NUP155: variants seen among roughly 807,000 people sequenced by gnomAD.
NUP155 encodes nuclear pore complex protein Nup155.
NUP155 carries 71 observed loss-of-function variants against 180.4 expected under a neutral mutation model. The ratio of observed to expected loss-of-function variants is 0.39; its 90% CI spans 0.33 to 0.48. NUP155 has a LOEUF of 0.48. NUP155 is among the 20% of genes least tolerant of loss of function. NUP155 has a pLI of 0.91. For synonymous variants in NUP155, 582 were observed against 559.5 expected (o/e 1.04, Z -0.57); for missense variants, 1,553 against 1,648.9 (o/e 0.94, Z 1.01).
Position 37,329,232 on chromosome 5 carries a change from G to A in NUP155, c.1771C>T (p.Pro591Ser), listed in dbSNP as rs766937826. 3.1e-6 allele frequency: 5 copies of A among 1,613,956 alleles called. No individual in the cohort carries two copies. The highest frequency in any genetic ancestry group is 4.2e-6 in the Non-Finnish European group (5 of 1,179,910). ...CCCAAGATGGGACCAACATTACTTG[G>A]AGGCGGAAGAGTGGTTGGAAATCTC... ...QMRFPTTLPPPSNVGPILGSP... is the reference protein window; with the variant it reads ...QMRFPTTLPPSSNVGPILGSP... Residue 591 changes from proline (P) to serine (S), a missense_variant, in exon 16 of 35, where the codon CCA becomes TCA. Coordinates refer to ENST00000231498, the MANE Select transcript of NUP155 (RefSeq NM_153485.3).
At chr5:37,323,781 T>C (rs1744404225) in intron 20 of NUP155, among the ~76,000 whole-genome samples, 1 of 151,802 alleles carries the variant, frequency 6.6e-6, no homozygotes. Context: ...CCATGAATAA[T>C]AATGGCTGGT....
At chr5:37,312,041 A>C (rs1273368062) in intron 22 of NUP155, among the ~76,000 whole-genome samples, 1 of 152,138 alleles carries the variant, frequency 6.6e-6, no homozygotes. Flanking sequence ...AAAAACAAAC[A>C]AACAAATAAA....
chr5:37,345,795 T>C (rs1262681885), intron 9 of NUP155, among the ~76,000 whole-genome samples: 2 of 151,172 alleles, frequency 1.3e-5, no homozygotes, highest in East Asian at 2.0e-4. Context: ...TCCCAGCTGC[T>C]TGGGAGGGTG....
At chr5:37,330,196 CTAGATGCAGTATTAAAGTCTGT>C in intron 14 of NUP155, 64 bp from the exon 15 acceptor site, 1 of 1,109,432 alleles carries the variant, frequency 9.0e-7, no homozygotes, top group Non-Finnish European at 1.3e-6. Context: ...TTGTGTACTG[CTAGATGCAGTATTAAAGTCTGT>C]ATCTAGCACA....
intron 12 of NUP155, among the ~76,000 whole-genome samples, chr5:37,337,546 CA>C (rs1320483756): frequency 6.6e-6 from 1 of 151,872 alleles, no homozygotes; most frequent in South Asian, 2.1e-4. Context: ...AAGACAACTT[CA>C]AAAAAGATGT....
intron 9 of NUP155, among the ~76,000 whole-genome samples, chr5:37,346,283 A>T (rs1416798291): frequency 2.0e-5 from 3 of 152,170 alleles, no homozygotes; most frequent in Non-Finnish European, 4.4e-5. Flanking sequence ...GTCTGAAAAA[A>T]AAAACAAAAA....
intron 13 of NUP155, among the ~76,000 whole-genome samples, chr5:37,332,171 A>C (rs1745010594): frequency 8.5e-6 from 1 of 117,888 alleles, no homozygotes; most frequent in African/African-American, 7.8e-5. Context: ...ATTTAGGCAA[A>C]AAAAAAAAAA....
rs1744421495 is a variant in NUP155, at chr5:37,324,021, C to G, written c.2178G>C (p.Gln726His). Residue 726 changes from glutamine (Q) to histidine (H), a missense_variant, in exon 20 of 35, where the codon CAG (glutamine) becomes CAC (histidine). Physicochemically the swap from Gln to His is conservative, Grantham distance 24. Coordinates refer to ENST00000231498, the MANE Select transcript of NUP155 (RefSeq NM_153485.3). ...GATTTCCTAATGGTCCTCCTGCAAACTGGGAGTTTCTGTCTAGAAATTCCT... is the reference window on the plus strand; with the variant it reads ...GATTTCCTAATGGTCCTCCTGCAAAGTGGGAGTTTCTGTCTAGAAATTCCT... ...GLQEFLDRNSQFAGGPLGNPN... is the reference protein window; with the variant it reads ...GLQEFLDRNSHFAGGPLGNPN... 1 of 1,612,560 alleles carries G rather than the reference C, an allele frequency of 6.2e-7. No individual in the cohort carries two copies.
Position 37,307,228 on chromosome 5 carries a change from C to CA in NUP155, c.2903+68dup. Reference sequence around the variant, plus strand: ...AAAAAAAAAAACATAAAACAAAAAACAAAAAACATTATGCAAAGAAAAGTC... The same window carrying CA: ...AAAAAAAAAAACATAAAACAAAAAACAAAAAAACATTATGCAAAGAAAAGTC... On this transcript the variant is annotated intron_variant, in intron 25 of 34. Transcript: ENST00000231498. 5 of 1,321,810 alleles carry CA rather than the reference C, an allele frequency of 3.8e-6. No individual in the cohort carries two copies. In the South Asian group the frequency reaches 6.5e-5, roughly 17 times the overall value. The allele number at this position is 1,321,810 out of a possible 1,614,324, so 81.9% of individuals were successfully genotyped here. A position where few individuals can be genotyped will look rare whatever the true frequency, so the allele number is the denominator to read the frequency against.
chr5:37,313,502 TGTGA>T (rs1007039093), intron 22 of NUP155, among the ~76,000 whole-genome samples: 1 of 129,674 alleles, frequency 7.7e-6, no homozygotes, highest in African/African-American at 2.8e-5. Context: ...TGTGTGTGTG[TGTGA>T]GAGAGACAGA....
Position 37,309,076 on chromosome 5 carries a change from A to G in NUP155, c.2767+53T>C. 3 of 1,583,014 alleles carry G rather than the reference A, an allele frequency of 1.9e-6. No individual in the cohort carries two copies. In the South Asian group the frequency reaches 3.3e-5, roughly 18 times the overall value. Reference sequence around the variant, plus strand: ...CATTAGCTTGCTTCATTCATACACTATTGTTTGTCTTTTGAGTTGAGTAAA... The same window carrying G: ...CATTAGCTTGCTTCATTCATACACTGTTGTTTGTCTTTTGAGTTGAGTAAA... On this transcript the variant is annotated intron_variant, in intron 24 of 34. Coordinates refer to ENST00000231498, the MANE Select transcript of NUP155 (RefSeq NM_153485.3).
chr5:37,311,470 T>C lies in NUP155; in HGVS notation c.2437-727A>G, dbSNP rs1743519548. 3.3e-5 allele frequency among the ~76,000 whole-genome samples: 5 copies of C among 152,180 alleles called. No individual in the cohort carries two copies. In the South Asian group the frequency reaches 1.0e-3, roughly 32 times the overall value. On this transcript the variant is annotated intron_variant, in intron 22 of 34. Coordinates refer to ENST00000231498, the MANE Select transcript of NUP155 (RefSeq NM_153485.3). ...AGATAAGTTTCATAATTAAATATATTAGCTTGAATTTTTAAAAATAAAAAA... is the reference window on the plus strand; with the variant it reads ...AGATAAGTTTCATAATTAAATATATCAGCTTGAATTTTTAAAAATAAAAAA...
intron 19 of NUP155, among the ~76,000 whole-genome samples, chr5:37,324,373 C>G (rs533531225): frequency 6.6e-6 from 1 of 152,262 alleles, no homozygotes; most frequent in Admixed American, 6.5e-5. Context: ...GACCACAATA[C>G]AGAAATTTCC....
At chr5:37,296,861 T>C (rs1182489905) in intron 32 of NUP155, among the ~76,000 whole-genome samples, 1 of 152,130 alleles carries the variant, frequency 6.6e-6, no homozygotes, top group Non-Finnish European at 1.5e-5. Flanking sequence ...CTGCCTATCT[T>C]ATCATAAACA....
At position 37,331,690 on chromosome 5, in the gene NUP155, G is replaced by T; in HGVS notation, c.1624C>A (p.His542Asn). The T allele has an allele frequency of 6.4e-7, 1 of 1,559,774 alleles. No homozygotes were observed. Among genetic ancestry groups the T allele is most frequent in the Non-Finnish European group, 8.8e-7 (1 of 1,134,164 alleles). ...TTAAAAGTATATATAATTACCTGATGTAATTTAAAGAATCTTTCAATCTCT... is the reference window on the plus strand; with the variant it reads ...TTAAAAGTATATATAATTACCTGATTTAATTTAAAGAATCTTTCAATCTCT... ...GEEIERFFKL[H>N]QEDQACATCL... is the part of the protein sequence containing the mutation. The change falls in exon 14 of 35, where the codon CAT becomes AAT. Residue 542 changes from histidine to asparagine, a missense_variant. By Grantham distance (68) the His-to-Asn change is moderately conservative. Coordinates refer to ENST00000231498, the MANE Select transcript of NUP155 (RefSeq NM_153485.3).
At chr5:37,342,744 CT>C (rs984976354) in intron 9 of NUP155, 98 bp from the exon 10 acceptor site, 9,266 of 754,254 alleles carry the variant, frequency 0.012, 4 homozygotes, top group South Asian at 0.015. Context: ...CCATATTTTC[CT>C]TTTTTTTTTG....
At position 37,341,182 on chromosome 5, in the gene NUP155, A is replaced by G. The variant is rs369316272; in HGVS notation, c.1154T>C (p.Leu385Pro). 32 of 1,613,872 alleles carry G rather than the reference A, an allele frequency of 2.0e-5. No homozygotes were observed. The South Asian group carries it at 3.4e-4, about 17-fold the overall frequency. ...FRQPLARPNTLTLVHVRLPPG... is the reference protein window; with the variant it reads ...FRQPLARPNTPTLVHVRLPPG... ...AGGTAAGCGGACATGAACCAGCGTC[A>G]GTGTATTAGGCCGTGCTAATGGCTG... is the stretch of plus-strand genomic sequence containing the variant. Residue 385 changes from leucine (L) to proline (P), a missense_variant, in exon 11 of 35, where the codon CTG becomes CCG. By Grantham distance (98) the Leu-to-Pro change is moderately conservative (BLOSUM62 -3). Transcript: ENST00000231498.
In NUP155 at chr5:37,302,822, G is replaced by A. The variant is rs1374837896; in HGVS notation, c.3404C>T (p.Ala1135Val). The A allele has an allele frequency of 3.7e-6, 6 of 1,613,890 alleles. No individual in the cohort carries two copies. Among genetic ancestry groups the A allele is most frequent in the Non-Finnish European group, 5.1e-6 (6 of 1,179,934 alleles). The part of the protein sequence containing the change: ...AKSSTAISSI[A>V]ADGEFLHELE... ...TTCATGAAGAAATTCACCATCGGCA[G>A]CTATTGATGAAATGGCAGTGGAACT... Residue 1135 changes from alanine to valine, a missense_variant, in exon 29 of 35, where the codon GCT (alanine) becomes GTT (valine). Transcript: ENST00000231498.
intron 21 of NUP155, among the ~76,000 whole-genome samples, chr5:37,316,431 G>C (rs992652729): frequency 6.6e-6 from 1 of 152,074 alleles, no homozygotes; most frequent in African/African-American, 2.4e-5. Context: ...GAAAAAAATG[G>C]GGGGTTATTA....
Sources: allele counts gnomAD v4.1 joint callset (sites outside exome capture counted in the v4.1 genomes callset), GRCh38; gene constraint gnomAD v4.1.1; transcripts MANE v1.5; gene names NCBI Gene and HGNC (gene_info 2026-07-23, HGNC 2026-07-21).